Variants in PPP1R13B observed in about 807,000 individuals in gnomAD.
The protein encoded by PPP1R13B is apoptosis-stimulating of p53 protein 1.
A neutral mutation model predicts 119.8 loss-of-function variants in PPP1R13B; 44 were observed. That is an observed-to-expected ratio of 0.37 (90% CI 0.29 to 0.47). The LOEUF is 0.47. Among genes scored for constraint, PPP1R13B ranks in the 20% least tolerant of loss-of-function variants. The pLI, the probability that PPP1R13B is intolerant of heterozygous loss-of-function variation, is 0.99. For missense variants in PPP1R13B, 1,227 were observed against 1,413.5 expected (o/e 0.87, Z 2.12); for synonymous variants, 542 against 561.5 (o/e 0.97, Z 0.49).
chr14:103,828,535 T>A (rs1007060184), intron 1 of PPP1R13B, among the ~76,000 whole-genome samples: 24 of 152,318 alleles, frequency 1.6e-4, no homozygotes, highest in African/African-American at 5.8e-4. Context: ...AGCTAACTTC[T>A]GCCCTCACTA....
chr14:103,736,637 G>A (rs548680415), intron 15 of PPP1R13B: 93 of 168,160 alleles, frequency 5.5e-4, no homozygotes, highest in South Asian at 2.6e-3. Flanking sequence ...CCTTCTGTGG[G>A]ACACTCTGCT....
At chr14:103,759,398 T>TG (rs2084753064) in intron 4 of PPP1R13B, 1 of 150,742 alleles carries the variant, frequency 6.6e-6, no homozygotes, top group Non-Finnish European at 1.5e-5. Flanking sequence ...GGTACAGTGG[T>TG]GCAATCACTG....
chr14:103,757,287 C>T (rs2084700882), intron 5 of PPP1R13B, among the ~76,000 whole-genome samples: 1 of 152,140 alleles, frequency 6.6e-6, no homozygotes, highest in Non-Finnish European at 1.5e-5. Flanking sequence ...CTCCTGGGCT[C>T]CAGCAATCCT....
At chr14:103,844,630 G>A (rs1595854522) in intron 1 of PPP1R13B, among the ~76,000 whole-genome samples, 1 of 152,072 alleles carries the variant, frequency 6.6e-6, no homozygotes, top group African/African-American at 2.4e-5. Flanking sequence ...TCAGGAGGCT[G>A]GGGCAGGAGA....
chr14:103,746,767 C>T (rs2084396370), intron 8 of PPP1R13B: 1 of 457,670 alleles, frequency 2.2e-6, no homozygotes, highest in Admixed American at 3.7e-5. Context: ...ACCCACCCAT[C>T]TGGAGCTGTA....
chr14:103,742,647 G>T lies in PPP1R13B; in HGVS notation c.1320+7C>A, dbSNP rs774121105. 2.5e-6 allele frequency: 4 copies of T among 1,613,332 alleles called. No homozygotes were observed. The South Asian group carries it at 4.4e-5, about 18-fold the overall frequency. On this transcript the variant is annotated splice_region_variant and intron_variant, in intron 10 of 16. Coordinates refer to ENST00000202556, the MANE Select transcript of PPP1R13B (RefSeq NM_015316.3). The surrounding 1 kb of genome is among the most constrained non-coding windows in gnomAD (Gnocchi z 4.9). Reference sequence around the variant, plus strand: ...GCTTGTGTTCTGTGGTAAAGACACAGGCCTACCGGCTTCTCCGTGGGTCCC... The same window carrying T: ...GCTTGTGTTCTGTGGTAAAGACACATGCCTACCGGCTTCTCCGTGGGTCCC...
chr14:103,768,249 G>A (rs1275327824), intron 4 of PPP1R13B, among the ~76,000 whole-genome samples: 2 of 151,550 alleles, frequency 1.3e-5, no homozygotes, highest in Admixed American at 1.3e-4. Flanking sequence ...CCGGATAGCT[G>A]GGATTACAGG....
chr14:103,756,098 T>TC (rs1156814631), intron 5 of PPP1R13B, among the ~76,000 whole-genome samples: 6 of 152,044 alleles, frequency 3.9e-5, no homozygotes, highest in Non-Finnish European at 7.4e-5. Context: ...TTTTTTTCTT[T>TC]TTTTTTTTCA....
rs369712241 is a variant in PPP1R13B, at chr14:103,749,910, G to C, written c.853C>G (p.Gln285Glu). The change falls in exon 8 of 17, where the codon CAA becomes GAA. Residue 285 changes from glutamine (Q) to glutamate (E), a missense_variant. By Grantham distance (29) the Gln-to-Glu change is conservative. Coordinates refer to ENST00000202556, the MANE Select transcript of PPP1R13B (RefSeq NM_015316.3). The part of the protein sequence containing the change: ...LQIRNQLNQE[Q>E]NSKLQQQKEL... ...TTCTGCTGCTGAAGTTTTGAATTTT[G>C]TTCCTGGTTAAGTTGGTTACGAATC... is the stretch of plus-strand genomic sequence containing the variant. 4.6e-5 allele frequency: 75 copies of C among 1,613,704 alleles called. No homozygotes were observed. The highest frequency in any genetic ancestry group is 4.7e-5 in the Non-Finnish European group (55 of 1,179,950).
In PPP1R13B at chr14:103,742,609, T is replaced by C. The variant is rs770966567; in HGVS notation, c.1320+45A>G. The C allele has an allele frequency of 3.8e-6, 6 of 1,595,590 alleles. No homozygotes were observed. In the South Asian group the frequency reaches 6.8e-5, roughly 18 times the overall value. ...TTAGTACTAAGGCAGAAGAGAGCCC[T>C]GTTGAAGAGCCCGCTTGTGTTCTGT... On this transcript the variant is annotated intron_variant, in intron 10 of 16. Coordinates refer to ENST00000202556, the MANE Select transcript of PPP1R13B (RefSeq NM_015316.3). This position sits in a 1 kb window ranked among gnomAD's most constrained non-coding sequence, Gnocchi z 4.9.
At chr14:103,791,130 T>C (rs1193615528) in intron 2 of PPP1R13B, among the ~76,000 whole-genome samples, 1 of 151,974 alleles carries the variant, frequency 6.6e-6, no homozygotes, top group Non-Finnish European at 1.5e-5. Context: ...TCTTCTTTTT[T>C]TTTTTTTAAG....
chr14:103,814,342 C>G (rs541000776), intron 1 of PPP1R13B, among the ~76,000 whole-genome samples: 1 of 152,012 alleles, frequency 6.6e-6, no homozygotes, highest in Non-Finnish European at 1.5e-5. Context: ...GAGCAAGACT[C>G]CGTCTCAAAA....
chr14:103,793,023 G>A (rs991379938), intron 2 of PPP1R13B, among the ~76,000 whole-genome samples: 2 of 149,912 alleles, frequency 1.3e-5, no homozygotes, highest in Admixed American at 6.7e-5. Context: ...AGTCAACTGA[G>A]AATGCGCCAC....
chr14:103,744,377 C>T (rs528129451), intron 9 of PPP1R13B, among the ~76,000 whole-genome samples: 15 of 152,182 alleles, frequency 9.9e-5, no homozygotes, highest in South Asian at 2.1e-4. Flanking sequence ...ACCCGCGCTA[C>T]GCCAGCATCT....
chr14:103,763,012 G>A lies in PPP1R13B; in HGVS notation c.355-5261C>T, dbSNP rs146062362. 21 of 1,453,048 alleles carry A rather than the reference G, an allele frequency of 1.4e-5. No individual in the cohort carries two copies. The African/African-American group carries it at 2.9e-4, about 20-fold the overall frequency. The allele number at this position is 1,453,048 out of a possible 1,614,324, so 90.0% of individuals were successfully genotyped here. A position where few individuals can be genotyped will look rare whatever the true frequency, so the allele number is the denominator to read the frequency against. On this transcript the variant is annotated intron_variant, in intron 4 of 16. Transcript: ENST00000202556. ...AAGACAAACGGCAAAATTCTTCAAGGTTTAGTGCAAGCAATAATAGAGAAC... is the reference window on the plus strand; with the variant it reads ...AAGACAAACGGCAAAATTCTTCAAGATTTAGTGCAAGCAATAATAGAGAAC...
intron 1 of PPP1R13B, among the ~76,000 whole-genome samples, chr14:103,841,418 T>C (rs1031634998): frequency 6.6e-6 from 1 of 150,464 alleles, no homozygotes; most frequent in Non-Finnish European, 1.5e-5. Flanking sequence ...TGAAACTCCA[T>C]CTCTACTAAA....
rs559385326 is a variant in PPP1R13B at position 103,750,204 on chromosome 14, C to T, written c.829-270G>A. Among the ~76,000 whole-genome samples the T allele has an allele frequency of 4.8e-4, 73 of 152,106 alleles. 2 individuals are homozygous for T. The highest frequency in any genetic ancestry group is 1.9e-4 in the East Asian group (1 of 5,178). The stretch of plus-strand genomic sequence containing the variant: ...CAATGATGATTACAGGAGACTAGTG[C>T]GGTGTTTGGGACTCTCAGAAACTAA... On this transcript the variant is annotated intron_variant, in intron 7 of 16. Coordinates refer to ENST00000202556, the MANE Select transcript of PPP1R13B (RefSeq NM_015316.3).
chr14:103,837,361 A>T (rs1448988473), intron 1 of PPP1R13B, among the ~76,000 whole-genome samples: 1 of 152,230 alleles, frequency 6.6e-6, no homozygotes, highest in Non-Finnish European at 1.5e-5. Context: ...ATCTATCTCA[A>T]GCTCCACACA....
chr14:103,772,004 G>A (rs913975154), intron 4 of PPP1R13B, among the ~76,000 whole-genome samples: 10 of 151,970 alleles, frequency 6.6e-5, no homozygotes, highest in Non-Finnish European at 1.5e-4. Flanking sequence ...CCCACTCCTG[G>A]TTCTCATATC....
Sources: allele counts gnomAD v4.1 joint callset (sites outside exome capture counted in the v4.1 genomes callset), GRCh38; gene constraint gnomAD v4.1.1; non-coding constraint Gnocchi (gnomAD v3.1); transcripts MANE v1.5; gene names NCBI Gene and HGNC (gene_info 2026-07-23, HGNC 2026-07-21).